The following PATJ variants were observed in gnomAD, a reference collection of about 807,000 sequenced individuals.
The protein encoded by PATJ is inaD-like protein.
Under a neutral mutation model 224.9 loss-of-function variants are expected in PATJ, and 190 were observed. The observed-to-expected ratio is 0.84, with a 90% CI of 0.75 to 0.95. The LOEUF is 0.95. PATJ is among the 40% of genes least tolerant of loss of function. The probability of loss-of-function intolerance (pLI) is 0.00; values close to 1 mark genes in which losing one functional copy is unlikely to be tolerated. For synonymous variants in PATJ, 769 were observed against 820.3 expected, an observed-to-expected ratio of 0.94 and a Z score of 1.07; for missense variants, 2,121 against 2,270.3, an observed-to-expected ratio of 0.93 and a Z score of 1.34.
rs537520970 is a variant in PATJ at position 62,133,213 on chromosome 1, G to A, written c.5271+4268G>A. Among the ~76,000 whole-genome samples, 42 of 141,746 alleles carry A rather than the reference G, an allele frequency of 3.0e-4. No individual in the cohort carries two copies. In the East Asian group the frequency reaches 7.6e-3, roughly 26 times the overall value. 93.0% of individuals were successfully genotyped at this position (141,746 alleles called of 152,430 possible). ...TTCAATGTGCTTCTAGGGAGGGCAA[G>A]TGTTGAATTTTTTTTATCATGTACT... On this transcript the variant is annotated intron_variant, in intron 41 of 43. Transcript: ENST00000642238.
intron 26 of PATJ, among the ~76,000 whole-genome samples, chr1:61,926,991 T>G (rs907884160): frequency 6.6e-6 from 1 of 152,208 alleles, no homozygotes; most frequent in Non-Finnish European, 1.5e-5. Context: ...GTCTCACCGT[T>G]GAGTTTGGCA....
At chr1:61,845,811 A>G (rs1015485297) in intron 17 of PATJ, among the ~76,000 whole-genome samples, 5 of 152,220 alleles carry the variant, frequency 3.3e-5, no homozygotes, top group African/African-American at 9.6e-5. Flanking sequence ...AGATGGCTCC[A>G]ATCTTACAGT....
chr1:62,131,942 G>A (rs1050375596), intron 41 of PATJ, among the ~76,000 whole-genome samples: 7 of 151,308 alleles, frequency 4.6e-5, no homozygotes, highest in South Asian at 2.1e-4. Context: ...TCCCCCTCCC[G>A]GGTTCAAGCA....
chr1:62,075,713 T>C (rs1036606100), intron 31 of PATJ, among the ~76,000 whole-genome samples: 1 of 151,858 alleles, frequency 6.6e-6, no homozygotes, highest in African/African-American at 2.4e-5. Flanking sequence ...GGTCAGGAGA[T>C]CTAGACCATT....
chr1:61,865,074 G>A (rs536864789), intron 20 of PATJ, among the ~76,000 whole-genome samples: 1 of 152,000 alleles, frequency 6.6e-6, no homozygotes, highest in South Asian at 2.1e-4. Context: ...TTTTCTCTGT[G>A]TTATGTATGA....
At chr1:61,813,378 T>TACACAC (rs141533164) in intron 14 of PATJ, among the ~76,000 whole-genome samples, 9 of 46,366 alleles carry the variant, frequency 1.9e-4, no homozygotes, top group East Asian at 6.5e-4. Flanking sequence ...TATATATATA[T>TACACAC]ACACACACAC....
chr1:62,040,461 GA>G (rs1337646872), intron 30 of PATJ, among the ~76,000 whole-genome samples: 2 of 151,782 alleles, frequency 1.3e-5, no homozygotes, highest in South Asian at 4.2e-4. Context: ...AGAGAAGAGA[GA>G]AAAAAATAAT....
intron 28 of PATJ, among the ~76,000 whole-genome samples, chr1:61,997,300 G>A (rs966995533): frequency 1.3e-5 from 2 of 152,110 alleles, no homozygotes; most frequent in Admixed American, 6.5e-5. Context: ...TTTGTTACTC[G>A]TAAGATGATC....
At chr1:61,892,808 A>G (rs1472445797) in intron 22 of PATJ, among the ~76,000 whole-genome samples, 2 of 152,142 alleles carry the variant, frequency 1.3e-5, no homozygotes, top group Non-Finnish European at 2.9e-5. Flanking sequence ...GATAATATTG[A>G]TAAACTGACA....
intron 43 of PATJ, among the ~76,000 whole-genome samples, chr1:62,159,013 A>T (rs1213168808): frequency 1.3e-5 from 2 of 152,210 alleles, no homozygotes; most frequent in African/African-American, 4.8e-5. Context: ...CATAGTTTTT[A>T]AAAAATTAAT....
Position 61,911,299 on chromosome 1 carries a change from C to T in PATJ, c.3492+2817C>T, listed in dbSNP as rs560336439. The stretch of plus-strand genomic sequence containing the variant: ...TGTGATCTCAGCTCACTGCAACCTC[C>T]GCCACCCGGATTCAAGTAATTCTTC... On this transcript the variant is annotated intron_variant, in intron 25 of 43. Coordinates refer to ENST00000642238, the MANE Select transcript of PATJ (RefSeq NM_001350145.3). 1.2e-4 allele frequency among the ~76,000 whole-genome samples: 18 copies of T among 152,174 alleles called. 1 individual carries two copies. In the South Asian group the frequency reaches 3.7e-3, roughly 32 times the overall value.
intron 27 of PATJ, among the ~76,000 whole-genome samples, chr1:61,987,053 A>C (rs946789045): frequency 6.6e-6 from 1 of 151,904 alleles, no homozygotes; most frequent in East Asian, 1.9e-4. Flanking sequence ...CTAGAATTAT[A>C]ATTTTTATTC....
At chr1:61,827,684 C>G in intron 16 of PATJ, 101 bp downstream of exon 16, 3 of 1,119,898 alleles carry the variant, frequency 2.7e-6, no homozygotes, top group Middle Eastern at 2.5e-4. Context: ...CCATTCCACT[C>G]TGCTCTTTTT....
Position 62,017,743 on chromosome 1 carries a change from A to AAAAAG in PATJ, c.3868-94_3868-90dup, listed in dbSNP as rs1553243990. ...TGAGACTGTCTCAAAAAAAAAAAAA[A>AAAAAG]AAAAGAAAAGAAAAGAAAAGAAATT... is the stretch of plus-strand genomic sequence containing the variant. On this transcript the variant is annotated intron_variant, in intron 28 of 43. Transcript: ENST00000642238. The AAAAAG allele has an allele frequency of 2.5e-3, 1,286 of 516,996 alleles. 10 individuals are homozygous for AAAAAG. Among genetic ancestry groups the AAAAAG allele is most frequent in the African/African-American group, 0.019 (928 of 49,396 alleles). 32.0% of individuals were successfully genotyped at this position (516,996 alleles called of 1,614,324 possible).
chr1:61,747,317 C>T (rs1365664528), intron 1 of PATJ, among the ~76,000 whole-genome samples: 3 of 151,890 alleles, frequency 2.0e-5, no homozygotes, highest in African/African-American at 4.8e-5. Flanking sequence ...TGGGATAGAT[C>T]GATGCTGAAG....
intron 27 of PATJ, among the ~76,000 whole-genome samples, chr1:61,973,878 G>GT (rs1232792483): frequency 2.0e-5 from 3 of 151,718 alleles, no homozygotes; most frequent in Non-Finnish European, 4.4e-5. Context: ...TAATCAGATC[G>GT]TTTTTTATGA....
At chr1:61,891,890 T>C (rs1329680748) in intron 22 of PATJ, among the ~76,000 whole-genome samples, 1 of 152,248 alleles carries the variant, frequency 6.6e-6, no homozygotes, top group African/African-American at 2.4e-5. Flanking sequence ...CCTGCCCCTT[T>C]GTGTGTCTTG....
At chr1:62,021,148 T>G (rs187949530) in intron 29 of PATJ, among the ~76,000 whole-genome samples, 125 of 152,082 alleles carry the variant, frequency 8.2e-4, no homozygotes, top group Non-Finnish European at 1.5e-3. Flanking sequence ...TTTCTCACAG[T>G]TTTGGAGGCT....
intron 27 of PATJ, among the ~76,000 whole-genome samples, chr1:61,935,515 A>G (rs1053515595): frequency 6.6e-6 from 1 of 152,170 alleles, no homozygotes; most frequent in Non-Finnish European, 1.5e-5. Flanking sequence ...CTGTGTGGCC[A>G]GGCGTAGTGG....
Sources: allele counts gnomAD v4.1 joint callset (sites outside exome capture counted in the v4.1 genomes callset), GRCh38; gene constraint gnomAD v4.1.1; transcripts MANE v1.5; gene names NCBI Gene and HGNC (gene_info 2026-07-23, HGNC 2026-07-21).